Variants in ZFYVE9 observed in about 807,000 individuals in gnomAD.
ZFYVE9 encodes zinc finger FYVE domain-containing protein 9.
Under a neutral mutation model 126.7 loss-of-function variants are expected in ZFYVE9, and 43 were observed. The ratio of observed to expected loss-of-function variants is 0.34; its 90% CI spans 0.27 to 0.44. ZFYVE9 has a LOEUF of 0.44. Among genes scored for constraint, ZFYVE9 ranks in the 20% least tolerant of loss-of-function variants. The pLI is 1.00. For missense variants in ZFYVE9, 1,476 were observed against 1,697.0 expected, an observed-to-expected ratio of 0.87 and a Z score of 2.29; for synonymous variants, 521 against 597.4, an observed-to-expected ratio of 0.87 and a Z score of 1.87.
At chr1:52,207,501 G>A (rs577614503) in intron 1 of ZFYVE9, among the ~76,000 whole-genome samples, 1 of 152,316 alleles carries the variant, frequency 6.6e-6, no homozygotes, top group East Asian at 1.9e-4. Flanking sequence ...AACAATGTCA[G>A]CTTCCCAGAT....
intron 3 of ZFYVE9, among the ~76,000 whole-genome samples, chr1:52,236,253 C>T (rs1645272591): frequency 6.6e-6 from 1 of 152,146 alleles, no homozygotes; most frequent in Non-Finnish European, 1.5e-5. Context: ...TGTGTATGTT[C>T]TACCTATCAG....
At chr1:52,272,470 G>A (rs989916156) in intron 7 of ZFYVE9, among the ~76,000 whole-genome samples, 1 of 152,126 alleles carries the variant, frequency 6.6e-6, no homozygotes, top group Non-Finnish European at 1.5e-5. Context: ...CCAAACAATA[G>A]TATATAATGT....
At chr1:52,264,132 C>A in intron 5 of ZFYVE9, 1 of 230,764 alleles carries the variant, frequency 4.3e-6, no homozygotes, top group Non-Finnish European at 8.5e-6. Flanking sequence ...AAATCTGGTG[C>A]GAGGTAGTTA....
chr1:52,334,631 T>G (rs1027430129), intron 14 of ZFYVE9, 57 bp from the exon 15 acceptor site: 3 of 1,548,864 alleles, frequency 1.9e-6, no homozygotes, highest in Non-Finnish European at 2.7e-6. Flanking sequence ...TTGTTATTAT[T>G]TTCAATCCCT....
intron 17 of ZFYVE9, among the ~76,000 whole-genome samples, chr1:52,340,707 C>T (rs1021067598): frequency 6.6e-6 from 1 of 151,940 alleles, no homozygotes; most frequent in African/African-American, 2.4e-5. Context: ...CAAGACCAGC[C>T]TGGGTAACAT....
chr1:52,198,110 G>GGTT (rs1644879029), intron 1 of ZFYVE9, among the ~76,000 whole-genome samples: 1 of 40,012 alleles, frequency 2.5e-5, no homozygotes, highest in African/African-American at 5.8e-5. Flanking sequence ...ATATTGTAGT[G>GGTT]TTTTTTTTTG....
intron 2 of ZFYVE9, among the ~76,000 whole-genome samples, chr1:52,230,198 G>A (rs1377429864): frequency 2.6e-5 from 4 of 152,102 alleles, no homozygotes; most frequent in African/African-American, 9.7e-5. Flanking sequence ...AGGGTGAGGG[G>A]GAAGGCAAAA....
intron 1 of ZFYVE9, among the ~76,000 whole-genome samples, chr1:52,173,368 G>C (rs1644591443): frequency 6.6e-6 from 1 of 152,190 alleles, no homozygotes; most frequent in African/African-American, 2.4e-5. Context: ...GATCATGGTG[G>C]ATAAGCTTTT....
intron 10 of ZFYVE9, among the ~76,000 whole-genome samples, chr1:52,282,129 C>T (rs1202117797): frequency 6.6e-6 from 1 of 152,132 alleles, no homozygotes; most frequent in Non-Finnish European, 1.5e-5. Context: ...TTGTAACTTA[C>T]TTCTTGTTTC....
At chr1:52,327,484 C>T (rs1569764727) in intron 13 of ZFYVE9, among the ~76,000 whole-genome samples, 1 of 151,858 alleles carries the variant, frequency 6.6e-6, no homozygotes, top group Admixed American at 6.6e-5. Context: ...TGCCTGAAGT[C>T]CCAGCTACTC....
At chr1:52,332,621 T>C in intron 13 of ZFYVE9, 147 bp from the exon 14 acceptor site, 1 of 941,228 alleles carries the variant, frequency 1.1e-6, no homozygotes, top group Non-Finnish European at 1.5e-6. Flanking sequence ...GTGACATTTT[T>C]TTACTTTGTT....
At chr1:52,329,112 A>C (rs1401341026) in intron 13 of ZFYVE9, among the ~76,000 whole-genome samples, 1 of 152,220 alleles carries the variant, frequency 6.6e-6, no homozygotes, top group Non-Finnish European at 1.5e-5. Context: ...TAATATTGTT[A>C]AGATGTCAAT....
chr1:52,272,781 TG>T (rs1431768643), intron 7 of ZFYVE9, among the ~76,000 whole-genome samples: 4 of 150,608 alleles, frequency 2.7e-5, no homozygotes, highest in Non-Finnish European at 4.4e-5. Context: ...GCAATTCTCC[TG>T]CCTCGGCCTC....
chr1:52,219,029 G>C (rs148526166), intron 2 of ZFYVE9, among the ~76,000 whole-genome samples: 5 of 152,036 alleles, frequency 3.3e-5, no homozygotes, highest in African/African-American at 1.2e-4. Flanking sequence ...GTTTTAGGGC[G>C]GTGCGACCCT....
At chr1:52,159,203 G>A (rs1261783558) in intron 1 of ZFYVE9, among the ~76,000 whole-genome samples, 1 of 152,160 alleles carries the variant, frequency 6.6e-6, no homozygotes, top group Non-Finnish European at 1.5e-5. Flanking sequence ...TAACACTTGG[G>A]CCACCAGCTT....
intron 1 of ZFYVE9, among the ~76,000 whole-genome samples, chr1:52,166,310 G>T (rs1332565380): frequency 6.6e-6 from 1 of 152,114 alleles, no homozygotes; most frequent in Non-Finnish European, 1.5e-5. Flanking sequence ...GGTGAAAAGG[G>T]CATACATACT....
intron 11 of ZFYVE9, among the ~76,000 whole-genome samples, chr1:52,295,194 CA>C (rs1032912820): frequency 3.5e-5 from 5 of 142,014 alleles, no homozygotes; most frequent in East Asian, 4.1e-4. Context: ...GACTGTGTCT[CA>C]AAAAAAAAAG....
Position 52,281,737 on chromosome 1 carries a change from A to G in ZFYVE9, c.2946A>G (p.Leu982=), listed in dbSNP as rs780124379. 11 of 1,614,180 alleles carry G rather than the reference A, an allele frequency of 6.8e-6. No individual in the cohort carries two copies. Among genetic ancestry groups the G allele is most frequent in the South Asian group, 3.3e-5 (3 of 91,088 alleles). ...GTCAGTCTGAGATAGTCATTCTTCT[A>G]CAGTGTTTACCGGATGAAAAGTGTT... ...AVGQSEIVIL[L]QCLPDEKCLP... Residue 982 remains leucine, a synonymous_variant, in exon 10 of 19, where the codon CTA becomes CTG. Coordinates refer to ENST00000287727, the MANE Select transcript of ZFYVE9 (RefSeq NM_004799.4).
chr1:52,192,796 A>C (rs1330259740), intron 1 of ZFYVE9, among the ~76,000 whole-genome samples: 1 of 152,234 alleles, frequency 6.6e-6, no homozygotes, highest in Non-Finnish European at 1.5e-5. Context: ...CAAAAGGCTA[A>C]AAAAGTAAAA....
Sources: gnomAD v4.1 joint callset for allele counts (sites outside exome capture counted in the v4.1 genomes callset) on GRCh38, gnomAD v4.1.1 for gene constraint, MANE v1.5 for transcripts, NCBI Gene and HGNC (gene_info 2026-07-23, HGNC 2026-07-21) for gene names.